The following FOXP1 variants were observed in gnomAD, a reference collection of about 807,000 sequenced individuals.
FOXP1 encodes the protein forkhead box P1, also known as forkhead box protein P1.
Under a neutral mutation model 98.2 loss-of-function variants are expected in FOXP1, and 15 were observed. The observed-to-expected ratio is 0.15, with a 90% CI of 0.10 to 0.24. The LOEUF (loss-of-function observed/expected upper bound fraction) is 0.24. Among genes scored for constraint, FOXP1 ranks in the 10% least tolerant of loss-of-function variants. The pLI is 1.00. For missense variants in FOXP1, 633 were observed against 848.5 expected (o/e 0.75, Z 3.15); for synonymous variants, 371 against 314.5 (o/e 1.18, Z -1.90).
intron 6 of FOXP1, among the ~76,000 whole-genome samples, chr3:71,124,031 C>T (rs774627186): frequency 6.6e-5 from 10 of 151,918 alleles, no homozygotes; most frequent in Non-Finnish European, 1.5e-4. Flanking sequence ...GTACTATGCT[C>T]GGTACCTGGG....
At chr3:70,992,675 C>T (rs2040785020) in intron 13 of FOXP1, among the ~76,000 whole-genome samples, 2 of 152,162 alleles carry the variant, frequency 1.3e-5, no homozygotes, top group African/African-American at 4.8e-5. Flanking sequence ...TCTTAACGTT[C>T]CTTACATGTT....
chr3:71,100,593 T>C (rs1398391878), intron 7 of FOXP1, among the ~76,000 whole-genome samples: 1 of 152,216 alleles, frequency 6.6e-6, no homozygotes, highest in Non-Finnish European at 1.5e-5. Flanking sequence ...TTAGTTTCTT[T>C]CTGAAGAAAG....
intron 6 of FOXP1, among the ~76,000 whole-genome samples, chr3:71,167,428 C>T (rs971530286): frequency 2.6e-5 from 4 of 152,108 alleles, no homozygotes; most frequent in Admixed American, 6.5e-5. Context: ...GTATTTAAAG[C>T]GTAAGAGAGC....
At chr3:71,045,809 A>C (rs528706380) in intron 10 of FOXP1, among the ~76,000 whole-genome samples, 5 of 152,342 alleles carry the variant, frequency 3.3e-5, no homozygotes, top group African/African-American at 4.8e-5. Context: ...TGACACCAAA[A>C]GTTACCAAAC....
In FOXP1 at chr3:71,132,435, T is replaced by TA. The variant is rs533046669; in HGVS notation, c.181-19799dup. ...CACAACTTTCTCAGAGACATGCAAT[T>TA]AAAAAAAATAAAGCCTCTTATTTTC... On this transcript the variant is annotated intron_variant, in intron 6 of 20. Transcript: ENST00000649528. Among the ~76,000 whole-genome samples the TA allele has an allele frequency of 5.3e-3, 803 of 151,848 alleles. 2 individuals are homozygous for TA. Among genetic ancestry groups the TA allele is most frequent in the Non-Finnish European group, 8.3e-3 (566 of 67,916 alleles).
intron 4 of FOXP1, among the ~76,000 whole-genome samples, chr3:71,345,455 A>C (rs2077278853): frequency 6.6e-6 from 1 of 150,956 alleles, no homozygotes; most frequent in Non-Finnish European, 1.5e-5. Context: ...TATATATACC[A>C]AAAAGATCAA....
At chr3:71,113,918 C>T (rs544918655) in intron 6 of FOXP1, among the ~76,000 whole-genome samples, 12 of 151,958 alleles carry the variant, frequency 7.9e-5, no homozygotes, top group Non-Finnish European at 7.4e-5. Context: ...GGATATCATG[C>T]TAGAAAGTCA....
At chr3:71,516,890 T>A (rs767877261) in intron 2 of FOXP1, among the ~76,000 whole-genome samples, 42 of 152,162 alleles carry the variant, frequency 2.8e-4, no homozygotes, top group Non-Finnish European at 3.8e-4. Flanking sequence ...GTTCATTCAT[T>A]CACTTAGCCA....
At chr3:71,290,432 A>C (rs1192407841) in intron 5 of FOXP1, among the ~76,000 whole-genome samples, 1 of 152,178 alleles carries the variant, frequency 6.6e-6, no homozygotes, top group Non-Finnish European at 1.5e-5. Flanking sequence ...ACAACTTCTC[A>C]GCACCTCCCC....
At chr3:71,331,241 G>A (rs775913098) in intron 4 of FOXP1, among the ~76,000 whole-genome samples, 8 of 152,176 alleles carry the variant, frequency 5.3e-5, no homozygotes, top group Admixed American at 1.3e-4. Flanking sequence ...CAGCTGGCCC[G>A]CAAGCCTGGG....
At chr3:71,283,668 T>C (rs146137893) in intron 5 of FOXP1, among the ~76,000 whole-genome samples, 165 of 152,358 alleles carry the variant, frequency 1.1e-3, no homozygotes, top group Non-Finnish European at 1.5e-3. Context: ...TGATTTGTTG[T>C]TTCTCCTCCC....
chr3:71,336,136 T>A (rs1653954), intron 4 of FOXP1, among the ~76,000 whole-genome samples: 5 of 151,788 alleles, frequency 3.3e-5, no homozygotes, highest in African/African-American at 9.7e-5. Flanking sequence ...GAGGAGCGAA[T>A]GCAAAGAAGT....
chr3:71,441,290 G>A (rs1378124871), intron 3 of FOXP1, among the ~76,000 whole-genome samples: 1 of 152,236 alleles, frequency 6.6e-6, no homozygotes, highest in Non-Finnish European at 1.5e-5. Context: ...TCTGGAGACA[G>A]TCTTGGTTGT....
chr3:71,547,095 C>A (rs1356980442), intron 2 of FOXP1, among the ~76,000 whole-genome samples: 1 of 152,172 alleles, frequency 6.6e-6, no homozygotes, highest in Non-Finnish European at 1.5e-5. Flanking sequence ...AAATAAAACT[C>A]TTATGAAATA....
intron 11 of FOXP1, among the ~76,000 whole-genome samples, chr3:71,019,363 A>G (rs1365585223): frequency 1.3e-5 from 2 of 152,226 alleles, no homozygotes; most frequent in African/African-American, 4.8e-5. Context: ...GTCAGTGATG[A>G]AAATAGATAC....
intron 4 of FOXP1, chr3:71,335,280 G>A (rs1430129493): frequency 6.7e-6 from 1 of 150,200 alleles, no homozygotes; most frequent in East Asian, 1.9e-4. Context: ...GCAATATCCT[G>A]TCTTCAAAAA....
intron 5 of FOXP1, among the ~76,000 whole-genome samples, chr3:71,298,124 GA>G (rs1390777548): frequency 6.6e-6 from 1 of 152,168 alleles, no homozygotes; most frequent in Non-Finnish European, 1.5e-5. Context: ...GCCCTTGACA[GA>G]AAAAGTTTGC....
At position 71,428,609 on chromosome 3, in the gene FOXP1, T is replaced by C. The variant is rs186330410; in HGVS notation, c.-168+64817A>G. 3.0e-4 allele frequency among the ~76,000 whole-genome samples: 45 copies of C among 152,206 alleles called. 1 individual carries two copies. Among genetic ancestry groups the C allele is most frequent in the Admixed American group, 1.6e-3 (24 of 15,292 alleles). On this transcript the variant is annotated intron_variant, in intron 3 of 20. Transcript: ENST00000649528. ...TGTCATGAGAAGTCCCTATTGAGAGTCCATTGTTCTAAAGAGGCCCCCCTA... is the reference window on the plus strand; with the variant it reads ...TGTCATGAGAAGTCCCTATTGAGAGCCCATTGTTCTAAAGAGGCCCCCCTA...
At chr3:71,150,528 CG>C (rs1300872423) in intron 6 of FOXP1, among the ~76,000 whole-genome samples, 1 of 152,104 alleles carries the variant, frequency 6.6e-6, no homozygotes, top group African/African-American at 2.4e-5. Context: ...TCTTACTCAT[CG>C]AGACCTTTTT....
Sources: allele counts gnomAD v4.1 joint callset (sites outside exome capture counted in the v4.1 genomes callset), GRCh38; gene constraint gnomAD v4.1.1; transcripts MANE v1.5; gene names NCBI Gene and HGNC (gene_info 2026-07-23, HGNC 2026-07-21).